The following PCDHA7 variants were observed in gnomAD, a reference collection of about 807,000 sequenced individuals.
PCDHA7 encodes protocadherin alpha 7, also known as protocadherin alpha-7.
Under a neutral mutation model 57.2 loss-of-function variants are expected in PCDHA7, and 37 were observed. The observed-to-expected ratio is 0.65, with a 90% CI of 0.50 to 0.85. PCDHA7 has a LOEUF of 0.85. Among genes scored for constraint, PCDHA7 ranks in the 40% least tolerant of loss-of-function variants. The probability of loss-of-function intolerance (pLI) is 0.00; values close to 1 mark genes in which losing one functional copy is unlikely to be tolerated. For synonymous variants in PCDHA7, 553 were observed against 558.8 expected, an observed-to-expected ratio of 0.99 and a Z score of 0.15; for missense variants, 1,188 against 1,241.8, an observed-to-expected ratio of 0.96 and a Z score of 0.65.
At chr5:140,874,845 A>G (rs1201887753) in intron 1 of PCDHA7, among the ~76,000 whole-genome samples, 1 of 152,236 alleles carries the variant, frequency 6.6e-6, no homozygotes, top group Non-Finnish European at 1.5e-5. Flanking sequence ...GGTATTAGAC[A>G]TATTTTAGTT....
chr5:140,857,802 T>G (rs251364), intron 1 of PCDHA7: 998,681 of 1,596,370 alleles, frequency 0.63, 345,026 homozygotes, highest in African/African-American at 0.69. Context: ...CGGTCGGTGG[T>G]TGCGGGTCAC....
intron 1 of PCDHA7, among the ~76,000 whole-genome samples, chr5:140,898,404 A>G (rs1170692741): frequency 1.3e-5 from 2 of 152,242 alleles, no homozygotes; most frequent in Non-Finnish European, 2.9e-5. Flanking sequence ...AGCTTTCTAC[A>G]TACGGCTAGC....
intron 1 of PCDHA7, among the ~76,000 whole-genome samples, chr5:140,973,136 C>G (rs2096573800): frequency 6.6e-6 from 1 of 152,168 alleles, no homozygotes; most frequent in Admixed American, 6.5e-5. Context: ...TTTGCATTCA[C>G]TTTCACTTAT....
At position 140,842,992 on chromosome 5, in the gene PCDHA7, C is replaced by G. The variant is rs144435690; in HGVS notation, c.2355+6254C>G. On this transcript the variant is annotated intron_variant, in intron 1 of 3. Coordinates refer to ENST00000525929, the MANE Select transcript of PCDHA7 (RefSeq NM_018910.3). The stretch of plus-strand genomic sequence containing the variant: ...TGACGCTGCAGGTGTTCGTGCTGGA[C>G]GAGAATGACAACGCGCCGGCACTGC... 42 of 1,594,970 alleles carry G rather than the reference C, an allele frequency of 2.6e-5. 1 individual carries two copies. In the African/African-American group the frequency reaches 5.2e-4, roughly 20 times the overall value.
At chr5:140,943,846 A>C (rs1209903373) in intron 1 of PCDHA7, among the ~76,000 whole-genome samples, 1 of 152,242 alleles carries the variant, frequency 6.6e-6, no homozygotes, top group African/African-American at 2.4e-5. Context: ...GTAAGATGTC[A>C]CAGAAGTCAA....
In PCDHA7 at chr5:140,850,319, A is replaced by G; in HGVS notation, c.2355+13581A>G. The G allele has an allele frequency of 2.5e-6, 4 of 1,597,562 alleles. 1 individual carries two copies. The highest frequency in any genetic ancestry group is 1.1e-5 in the South Asian group (1 of 90,528). Reference sequence around the variant, plus strand: ...ACTCGGGCTACAACGCGTGGCTTTCATACGAGCTGCAGCCAGAAACGGCCA... The same window carrying G: ...ACTCGGGCTACAACGCGTGGCTTTCGTACGAGCTGCAGCCAGAAACGGCCA... On this transcript the variant is annotated intron_variant, in intron 1 of 3. Coordinates refer to ENST00000525929, the MANE Select transcript of PCDHA7 (RefSeq NM_018910.3).
chr5:140,946,611 A>AATAT (rs1554217734), intron 1 of PCDHA7, among the ~76,000 whole-genome samples: 1,089 of 86,784 alleles, frequency 0.013, 135 homozygotes, highest in African/African-American at 0.062. Flanking sequence ...GAAAATGTGA[A>AATAT]ATATATATAT....
At chr5:141,001,216 G>A (rs938133871) in intron 3 of PCDHA7, among the ~76,000 whole-genome samples, 3 of 152,082 alleles carry the variant, frequency 2.0e-5, no homozygotes, top group African/African-American at 7.2e-5. Context: ...GCTGTATAAG[G>A]ATAGTTACAT....
chr5:140,871,688 G>C lies in PCDHA7; in HGVS notation c.2355+34950G>C, dbSNP rs868933304. On this transcript the variant is annotated intron_variant, in intron 1 of 3. Coordinates refer to ENST00000525929, the MANE Select transcript of PCDHA7 (RefSeq NM_018910.3). ...GTCTTTTAATCATATGAATAATCTG[G>C]CTTCTTTAACCAATAAATGTCCTAT... 1.9e-5 allele frequency: 20 copies of C among 1,060,782 alleles called. No homozygotes were observed. In the African/African-American group the frequency reaches 2.1e-4, roughly 11 times the overall value. The allele number at this position is 1,060,782 out of a possible 1,614,324, so 65.7% of individuals were successfully genotyped here. A position where few individuals can be genotyped will look rare whatever the true frequency, so the allele number is the denominator to read the frequency against.
At chr5:140,924,064 G>T (rs1584331926) in intron 1 of PCDHA7, among the ~76,000 whole-genome samples, 1 of 152,172 alleles carries the variant, frequency 6.6e-6, no homozygotes. Context: ...CTTTACAGTT[G>T]TATTTCATCT....
At position 140,845,912 on chromosome 5, in the gene PCDHA7, C is replaced by A. The variant is rs186058718; in HGVS notation, c.2355+9174C>A. On this transcript the variant is annotated intron_variant, in intron 1 of 3. Transcript: ENST00000525929. ...AGTCGTTATGGCCTTCCATATTAAT[C>A]TTATTTTTGTGTAAAACTATCTTCT... Among the ~76,000 whole-genome samples, 208 of 149,552 alleles carry A rather than the reference C, an allele frequency of 1.4e-3. 17 individuals are homozygous for A. The Middle Eastern group carries it at 0.024, about 17-fold the overall frequency.
At chr5:140,879,329 T>A (rs2057946411) in intron 1 of PCDHA7, among the ~76,000 whole-genome samples, 1 of 152,182 alleles carries the variant, frequency 6.6e-6, no homozygotes, top group Non-Finnish European at 1.5e-5. Context: ...ACTTTTTTAG[T>A]TTGTTCAGCT....
chr5:140,861,534 A>G lies in PCDHA7; in HGVS notation c.2355+24796A>G, dbSNP rs1004709017. ...GCTGTGTGGGAGGATCTCGGAGTGCAGCATCCACCTGGAAGTGATCGTGGA... is the reference window on the plus strand; with the variant it reads ...GCTGTGTGGGAGGATCTCGGAGTGCGGCATCCACCTGGAAGTGATCGTGGA... On this transcript the variant is annotated intron_variant, in intron 1 of 3. Coordinates refer to ENST00000525929, the MANE Select transcript of PCDHA7 (RefSeq NM_018910.3). The G allele has an allele frequency of 4.9e-5, 22 of 448,754 alleles. No individual in the cohort carries two copies. The Middle Eastern group carries it at 3.2e-3, about 66-fold the overall frequency. The allele number at this position is 448,754 out of a possible 1,614,324, so 27.8% of individuals were successfully genotyped here.
intron 1 of PCDHA7, among the ~76,000 whole-genome samples, chr5:140,942,360 G>A (rs782168150): frequency 4.0e-5 from 6 of 151,816 alleles, no homozygotes; most frequent in Admixed American, 3.3e-4. Context: ...TGCAGTTAAC[G>A]GAGATTGCAC....
chr5:140,902,010 G>A (rs187351122), intron 1 of PCDHA7, among the ~76,000 whole-genome samples: 56 of 152,092 alleles, frequency 3.7e-4, no homozygotes, highest in African/African-American at 1.3e-3. Context: ...TCACTGTTGG[G>A]ACATATAGAA....
chr5:140,859,119 T>C (rs1275680120), intron 1 of PCDHA7: 2 of 150,176 alleles, frequency 1.3e-5, no homozygotes, highest in African/African-American at 4.9e-5. Context: ...AAAATGTATG[T>C]TTCTTTTATT....
At chr5:140,839,410 G>A (rs1776218295) in intron 1 of PCDHA7, among the ~76,000 whole-genome samples, 1 of 151,704 alleles carries the variant, frequency 6.6e-6, no homozygotes, top group South Asian at 2.1e-4. Context: ...TTATTTTTGA[G>A]ACAGGGTCTC....
rs782212784 is a variant in PCDHA7 at position 140,883,583 on chromosome 5, G to A, written c.2355+46845G>A. ...GGGCTCGCCTTCGCTGTGGGCCACGGCCAGCGTGTCGGTGGGGGTGGCCGA... is the reference window on the plus strand; with the variant it reads ...GGGCTCGCCTTCGCTGTGGGCCACGACCAGCGTGTCGGTGGGGGTGGCCGA... On this transcript the variant is annotated intron_variant, in intron 1 of 3. Coordinates refer to ENST00000525929, the MANE Select transcript of PCDHA7 (RefSeq NM_018910.3). The A allele has an allele frequency of 1.9e-5, 31 of 1,613,916 alleles. No individual in the cohort carries two copies. The African/African-American group carries it at 3.7e-4, about 19-fold the overall frequency.
At chr5:140,925,671 A>AATAATAATAATAATAATG (rs1445697337) in intron 1 of PCDHA7, among the ~76,000 whole-genome samples, 3 of 148,150 alleles carry the variant, frequency 2.0e-5, no homozygotes, top group African/African-American at 7.5e-5. Flanking sequence ...TAATAATAAT[A>AATAATAATAATAATAATG]ATAATAAAGC....
Sources: gnomAD v4.1 joint callset for allele counts (sites outside exome capture counted in the v4.1 genomes callset) on GRCh38, gnomAD v4.1.1 for gene constraint, MANE v1.5 for transcripts, NCBI Gene and HGNC (gene_info 2026-07-23, HGNC 2026-07-21) for gene names.